The following AGO3 variants were observed in gnomAD, a reference collection of about 807,000 sequenced individuals.
AGO3 encodes protein argonaute-3.
In AGO3, 16 loss-of-function variants were observed where a neutral mutation model predicts 105.5. The observed-to-expected ratio is 0.15, with a 90% CI of 0.10 to 0.23. AGO3 has a LOEUF of 0.23. AGO3 is among the 10% of genes least tolerant of loss of function. The pLI, the probability that AGO3 is intolerant of heterozygous loss-of-function variation, is 1.00. For synonymous variants in AGO3, 340 were observed against 367.3 expected (o/e 0.93, Z 0.85); for missense variants, 534 against 1,088.0 (o/e 0.49, Z 7.16).
At chr1:35,952,784 T>A (rs1247275749) in intron 2 of AGO3, among the ~76,000 whole-genome samples, 4 of 152,200 alleles carry the variant, frequency 2.6e-5, no homozygotes, top group Admixed American at 2.6e-4. Context: ...TGTAGTAGGC[T>A]CTACTATCTA....
intron 6 of AGO3, among the ~76,000 whole-genome samples, chr1:36,006,575 C>T (rs1640343355): frequency 1.3e-5 from 2 of 151,922 alleles, no homozygotes; most frequent in South Asian, 4.2e-4. Context: ...TGTGTTCTCC[C>T]CTGAACATAA....
At chr1:36,002,585 G>A (rs1238679524) in intron 5 of AGO3, among the ~76,000 whole-genome samples, 1 of 151,982 alleles carries the variant, frequency 6.6e-6, no homozygotes, top group East Asian at 1.9e-4. Flanking sequence ...ACCCGCCTCG[G>A]CCTCCCAAAG....
At chr1:35,938,278 C>T (rs1646188766) in intron 1 of AGO3, among the ~76,000 whole-genome samples, 1 of 151,964 alleles carries the variant, frequency 6.6e-6, no homozygotes, top group Admixed American at 6.5e-5. Flanking sequence ...GCCACTGTGC[C>T]CGGCCCAAAA....
intron 17 of AGO3, among the ~76,000 whole-genome samples, chr1:36,047,497 C>T (rs1328260148): frequency 6.6e-6 from 1 of 150,474 alleles, no homozygotes; most frequent in Admixed American, 6.7e-5. Flanking sequence ...GCCTCTGAGA[C>T]TTATGAAACA....
intron 5 of AGO3, chr1:35,983,476 G>T (rs1569606400): frequency 6.6e-6 from 1 of 151,550 alleles, no homozygotes; most frequent in East Asian, 1.9e-4. Flanking sequence ...TGTAGTCCCA[G>T]CTGCTAGAGA....
At chr1:36,024,617 C>T (rs193077777) in intron 11 of AGO3, among the ~76,000 whole-genome samples, 3 of 152,264 alleles carry the variant, frequency 2.0e-5, no homozygotes, top group South Asian at 2.1e-4. Flanking sequence ...CTATTTGTGA[C>T]GAAAGCTACT....
In AGO3 at chr1:36,029,985, G is replaced by A. The variant is rs955173179; in HGVS notation, c.1591+2687G>A. 4.6e-5 allele frequency among the ~76,000 whole-genome samples: 7 copies of A among 151,914 alleles called. No individual in the cohort carries two copies. In the South Asian group the frequency reaches 6.2e-4, roughly 14 times the overall value. ...TGGGATTACAGGCATGAGCCACTGC[G>A]CCTGGCCCCTAAATTTCCTACATGT... On this transcript the variant is annotated intron_variant, in intron 12 of 18. Transcript: ENST00000373191.
At chr1:36,045,945 G>C (rs1642451360) in intron 17 of AGO3, among the ~76,000 whole-genome samples, 1 of 152,164 alleles carries the variant, frequency 6.6e-6, no homozygotes, top group Non-Finnish European at 1.5e-5. Flanking sequence ...TGACCACACA[G>C]AGAACAGAAA....
chr1:35,955,924 T>G (rs1646556831), intron 2 of AGO3, among the ~76,000 whole-genome samples: 1 of 152,156 alleles, frequency 6.6e-6, no homozygotes, highest in Non-Finnish European at 1.5e-5. Context: ...GAACTCCCAT[T>G]ACTCTCCTAG....
rs1344698583 is a variant in AGO3 at position 36,070,766 on chromosome 1, C to T, written c.*15021C>T. ...TCATGTTTGAAAAATGAAAAATGAA[C>T]AAAAAATCCACCTTGTGCAGTGAGA... is the stretch of plus-strand genomic sequence containing the variant. On this transcript the variant is annotated 3_prime_UTR_variant, in exon 19 of 19. Coordinates refer to ENST00000373191, the MANE Select transcript of AGO3 (RefSeq NM_024852.4). The T allele has an allele frequency of 6.6e-6, 1 of 152,016 alleles. No homozygotes were observed. Among genetic ancestry groups the T allele is most frequent in the African/African-American group, 2.4e-5 (1 of 41,390 alleles). 9.4% of individuals were successfully genotyped at this position (152,016 alleles called of 1,614,324 possible). A position where few individuals can be genotyped will look rare whatever the true frequency, so the allele number is the denominator to read the frequency against.
rs1484922210 is a variant in AGO3 at position 36,028,138 on chromosome 1, CT to C, written c.1591+841del. 2.6e-5 allele frequency among the ~76,000 whole-genome samples: 4 copies of C among 152,276 alleles called. No homozygotes were observed. In the South Asian group the frequency reaches 6.2e-4, roughly 24 times the overall value. On this transcript the variant is annotated intron_variant, in intron 12 of 18. Transcript: ENST00000373191. ...CTTACTGCAGCCTTGACCTCTTGGG[CT>C]CAAGCAATCCTCCTTTCTCGGCCTC... is the stretch of plus-strand genomic sequence containing the variant.
chr1:35,994,156 T>A (rs1012168120), intron 5 of AGO3, among the ~76,000 whole-genome samples: 2 of 146,898 alleles, frequency 1.4e-5, no homozygotes, highest in Non-Finnish European at 3.0e-5. Context: ...GCTATGCTGC[T>A]CAGGCTGGTC....
intron 5 of AGO3, among the ~76,000 whole-genome samples, chr1:35,974,764 T>G (rs1423705576): frequency 1.3e-5 from 2 of 152,246 alleles, no homozygotes; most frequent in Non-Finnish European, 2.9e-5. Flanking sequence ...TTTCTGTTAT[T>G]CTTTTTGCAT....
chr1:36,006,194 T>TC (rs1345570667), intron 6 of AGO3, among the ~76,000 whole-genome samples: 6 of 152,054 alleles, frequency 3.9e-5, no homozygotes, highest in African/African-American at 1.4e-4. Context: ...TTGTGTTCTC[T>TC]CCTGTATCTA....
intron 17 of AGO3, among the ~76,000 whole-genome samples, chr1:36,052,617 A>G (rs1337558619): frequency 6.6e-6 from 1 of 152,190 alleles, no homozygotes; most frequent in East Asian, 1.9e-4. Flanking sequence ...ATTATACATT[A>G]TATATGTGTA....
intron 5 of AGO3, chr1:35,982,564 A>G: frequency 1.4e-6 from 1 of 699,828 alleles, no homozygotes; most frequent in South Asian, 1.6e-5. Context: ...TCCTTTAGAT[A>G]GGGATACTTC....
intron 5 of AGO3, among the ~76,000 whole-genome samples, chr1:36,003,366 AC>A (rs1032008731): frequency 6.6e-6 from 1 of 152,104 alleles, no homozygotes; most frequent in Non-Finnish European, 1.5e-5. Context: ...AAAACCACCC[AC>A]TGCTCAATAA....
chr1:36,022,645 G>T (rs1376590663), intron 11 of AGO3, among the ~76,000 whole-genome samples: 1 of 152,014 alleles, frequency 6.6e-6, no homozygotes, highest in Non-Finnish European at 1.5e-5. Flanking sequence ...GAAACAAAGG[G>T]CATAGGCTGG....
chr1:35,955,989 G>A (rs1646558410), intron 2 of AGO3, among the ~76,000 whole-genome samples: 2 of 152,052 alleles, frequency 1.3e-5, no homozygotes, highest in Admixed American at 1.3e-4. Context: ...ATAACTGAAG[G>A]CACCAGTATC....
Sources: allele counts gnomAD v4.1 joint callset (sites outside exome capture counted in the v4.1 genomes callset), GRCh38; gene constraint gnomAD v4.1.1; transcripts MANE v1.5; gene names NCBI Gene and HGNC (gene_info 2026-07-23, HGNC 2026-07-21).